The following SPATA45 variants were observed in gnomAD, a reference collection of about 807,000 sequenced individuals.
The protein encoded by SPATA45 is spermatogenesis associated 45, also known as spermatogenesis-associated protein 45.
SPATA45 carries 5 observed loss-of-function variants against 7.0 expected under a neutral mutation model. The observed-to-expected ratio is 0.71, with a 90% CI of 0.37 to 1.50. The LOEUF (loss-of-function observed/expected upper bound fraction) is 1.50. Among genes scored for constraint, SPATA45 ranks in the 40% most tolerant of loss-of-function variants. The probability of loss-of-function intolerance (pLI) is 0.03; values close to 1 mark genes in which losing one functional copy is unlikely to be tolerated. For synonymous variants in SPATA45, 40 were observed against 38.7 expected (o/e 1.03, Z -0.13); for missense variants, 111 against 114.9 (o/e 0.97, Z 0.16).
Position 212,835,922 on chromosome 1 carries a change from G to C in SPATA45, c.228C>G (p.Ile76Met). ...PVPNSGRSSW[I>M]KLSLLAHMER... is the part of the protein sequence containing the mutation. ...CCATGTGAGCAAGGAGACTCAGCTT[G>C]ATCCAGGAGCTCCTGCCACTGTTGG... The change falls in exon 2 of 3, where the codon ATC becomes ATG. Residue 76 changes from isoleucine (I) to methionine (M), a missense_variant. Transcript: ENST00000332912. 1 of 1,610,376 alleles carries C rather than the reference G, an allele frequency of 6.2e-7. No individual in the cohort carries two copies. Among genetic ancestry groups the C allele is most frequent in the African/African-American group, 1.3e-5 (1 of 74,914 alleles).
At chr1:212,846,328 AC>A (rs1439782671) in intron 1 of SPATA45, among the ~76,000 whole-genome samples, 1 of 152,108 alleles carries the variant, frequency 6.6e-6, no homozygotes, top group East Asian at 1.9e-4. Context: ...CGCTGCCTCA[AC>A]ACTTCACCAC....
chr1:212,842,855 G>A (rs914696390), intron 1 of SPATA45, among the ~76,000 whole-genome samples: 11 of 151,796 alleles, frequency 7.2e-5, no homozygotes, highest in South Asian at 2.1e-4. Flanking sequence ...TTGGGAGGCC[G>A]AGGCAGGCGG....
At chr1:212,843,574 C>T (rs1400571807) in intron 1 of SPATA45, among the ~76,000 whole-genome samples, 1 of 152,136 alleles carries the variant, frequency 6.6e-6, no homozygotes, top group East Asian at 1.9e-4. Flanking sequence ...AATAAAAATG[C>T]TGGACCCTTT....
At chr1:212,830,385 A>C (rs1337960276) in intron 2 of SPATA45, 124 bp from the exon 3 acceptor site, 5 of 573,924 alleles carry the variant, frequency 8.7e-6, no homozygotes, top group African/African-American at 1.9e-5. Context: ...TAGAAACACC[A>C]AATGGGCCGG....
chr1:212,831,780 C>T lies in SPATA45; in HGVS notation c.278-1519G>A, dbSNP rs942874234. Among the ~76,000 whole-genome samples the T allele has an allele frequency of 7.3e-5, 11 of 151,230 alleles. 1 individual carries two copies. The highest frequency in any genetic ancestry group is 2.2e-4 in the African/African-American group (9 of 41,292). On this transcript the variant is annotated intron_variant, in intron 2 of 2. Transcript: ENST00000332912. Reference sequence around the variant, plus strand: ...AGGCCTCCCCACCAGGTTAGACCACCGCTAGGTTCGACCATCAGGACTAAT... The same window carrying T: ...AGGCCTCCCCACCAGGTTAGACCACTGCTAGGTTCGACCATCAGGACTAAT...
chr1:212,839,202 T>C (rs995321670), intron 1 of SPATA45, among the ~76,000 whole-genome samples: 1 of 148,452 alleles, frequency 6.7e-6, no homozygotes, highest in African/African-American at 2.5e-5. Flanking sequence ...GTAGTGTTCA[T>C]ATATTGTTGA....
chr1:212,830,968 C>A (rs1173181283), intron 2 of SPATA45, among the ~76,000 whole-genome samples: 1 of 149,790 alleles, frequency 6.7e-6, no homozygotes, highest in East Asian at 2.0e-4. Flanking sequence ...GGTGACAGAG[C>A]AAGAAAAAAT....
At chr1:212,840,920 G>A (rs1403100593) in intron 1 of SPATA45, among the ~76,000 whole-genome samples, 4 of 151,878 alleles carry the variant, frequency 2.6e-5, no homozygotes, top group Non-Finnish European at 5.9e-5. Flanking sequence ...ACCCGGCTCC[G>A]CGCTCACCTT....
chr1:212,846,000 C>A (rs1174061280), intron 1 of SPATA45, among the ~76,000 whole-genome samples: 1 of 152,178 alleles, frequency 6.6e-6, no homozygotes, highest in Non-Finnish European at 1.5e-5. Flanking sequence ...GCTGAACCCC[C>A]TTGGGCACTC....
intron 1 of SPATA45, among the ~76,000 whole-genome samples, chr1:212,844,113 A>G (rs1663743925): frequency 6.6e-6 from 1 of 152,162 alleles, no homozygotes; most frequent in Admixed American, 6.5e-5. Context: ...GAATTCTTAC[A>G]CAAGAGCCGG....
At chr1:212,832,954 T>A (rs1402310830) in intron 2 of SPATA45, among the ~76,000 whole-genome samples, 2 of 151,418 alleles carry the variant, frequency 1.3e-5, no homozygotes, top group African/African-American at 4.8e-5. Context: ...GAAGATAAAG[T>A]GGTGAAAAAA....
At chr1:212,845,947 C>T (rs1236736369) in intron 1 of SPATA45, among the ~76,000 whole-genome samples, 1 of 152,158 alleles carries the variant, frequency 6.6e-6, no homozygotes. Flanking sequence ...TAAAAAAACT[C>T]AAGGATAGAG....
At position 212,830,266 on chromosome 1, in the gene SPATA45, A is replaced by G; in HGVS notation, c.278-5T>C. On this transcript the variant is annotated splice_polypyrimidine_tract_variant and splice_region_variant and intron_variant, in intron 2 of 2. Coordinates refer to ENST00000332912, the MANE Select transcript of SPATA45 (RefSeq NM_001024601.3). ...TTTATCCAAATATGGCATTATCTGAAAAAATAAAAAATAAAAAGTATTTGT... is the reference window on the plus strand; with the variant it reads ...TTTATCCAAATATGGCATTATCTGAGAAAATAAAAAATAAAAAGTATTTGT... 1 of 1,458,104 alleles carries G rather than the reference A, an allele frequency of 6.9e-7. No individual in the cohort carries two copies. The highest frequency in any genetic ancestry group is 9.5e-7 in the Non-Finnish European group (1 of 1,054,612). 90.3% of individuals were successfully genotyped at this position (1,458,104 alleles called of 1,614,324 possible).
At chr1:212,830,650 C>A (rs1201894732) in intron 2 of SPATA45, among the ~76,000 whole-genome samples, 9 of 136,108 alleles carry the variant, frequency 6.6e-5, no homozygotes, top group African/African-American at 2.5e-4. Context: ...CCAGCCTGGG[C>A]GAAAGAGCAA....
chr1:212,832,824 G>A (rs1380761038), intron 2 of SPATA45, among the ~76,000 whole-genome samples: 1 of 151,560 alleles, frequency 6.6e-6, no homozygotes, highest in African/African-American at 2.4e-5. Context: ...GTCTCGAGAG[G>A]AATGAGGTAA....
intron 1 of SPATA45, among the ~76,000 whole-genome samples, chr1:212,837,840 C>T (rs1364677394): frequency 6.6e-6 from 1 of 151,846 alleles, no homozygotes; most frequent in South Asian, 2.1e-4. Context: ...ATACAGTCCA[C>T]AGTCTCAAGA....
At chr1:212,835,469 G>A (rs370599997) in intron 2 of SPATA45, among the ~76,000 whole-genome samples, 2 of 151,630 alleles carry the variant, frequency 1.3e-5, no homozygotes, top group Admixed American at 1.3e-4. Flanking sequence ...GTTGCTGTAA[G>A]CTGAGATCGT....
At chr1:212,840,026 ATG>A (rs1260335315) in intron 1 of SPATA45, among the ~76,000 whole-genome samples, 1 of 151,826 alleles carries the variant, frequency 6.6e-6, no homozygotes, top group Admixed American at 6.6e-5. Context: ...AGAATTTTTC[ATG>A]TCTTTACATA....
intron 1 of SPATA45, among the ~76,000 whole-genome samples, chr1:212,842,764 G>A (rs1257112510): frequency 5.3e-5 from 8 of 151,876 alleles, no homozygotes; most frequent in Non-Finnish European, 5.9e-5. Flanking sequence ...CCTGAAGTTG[G>A]GAGTTCAAAA....
Sources: allele counts gnomAD v4.1 joint callset (sites outside exome capture counted in the v4.1 genomes callset), GRCh38; gene constraint gnomAD v4.1.1; transcripts MANE v1.5; gene names NCBI Gene and HGNC (gene_info 2026-07-23, HGNC 2026-07-21).